CPQ: variants seen among roughly 807,000 people sequenced by gnomAD.
CPQ encodes carboxypeptidase Q.
In CPQ, 37 loss-of-function variants were observed where a neutral mutation model predicts 45.7. That is an observed-to-expected ratio of 0.81 (90% CI 0.62 to 1.07). CPQ has a LOEUF of 1.07. Ranked by LOEUF, CPQ falls within the 50% of genes least tolerant of loss-of-function variation. The pLI is 0.00. For missense variants in CPQ, 537 were observed against 572.9 expected (o/e 0.94, Z 0.64); for synonymous variants, 186 against 205.8 (o/e 0.90, Z 0.82).
At chr8:96,922,352 C>A (rs1812821023) in intron 4 of CPQ, among the ~76,000 whole-genome samples, 2 of 152,230 alleles carry the variant, frequency 1.3e-5, no homozygotes, top group Admixed American at 6.5e-5. Flanking sequence ...AAAAAAAAAT[C>A]TTTGGATGAT....
chr8:97,105,257 A>G (rs924091357), intron 7 of CPQ, among the ~76,000 whole-genome samples: 2 of 152,162 alleles, frequency 1.3e-5, no homozygotes, highest in African/African-American at 4.8e-5. Flanking sequence ...CCAACATTCT[A>G]CCTTCTGCCT....
chr8:96,952,501 A>G (rs1813283502), intron 4 of CPQ, among the ~76,000 whole-genome samples: 1 of 152,154 alleles, frequency 6.6e-6, no homozygotes, highest in Non-Finnish European at 1.5e-5. Flanking sequence ...CAGTTTATAT[A>G]TAACATACAA....
intron 1 of CPQ, among the ~76,000 whole-genome samples, chr8:96,742,683 T>A (rs1459745519): frequency 6.6e-6 from 1 of 152,144 alleles, no homozygotes; most frequent in Admixed American, 6.5e-5. Context: ...GGTGACAAAA[T>A]CTCTCAGCAT....
intron 3 of CPQ, among the ~76,000 whole-genome samples, chr8:96,846,136 A>C (rs932388518): frequency 2.0e-5 from 3 of 152,158 alleles, no homozygotes; most frequent in Non-Finnish European, 2.9e-5. Context: ...TTTTTTAAGG[A>C]AGTTGTACCA....
intron 4 of CPQ, among the ~76,000 whole-genome samples, chr8:96,898,542 G>A (rs78475020): frequency 0.018 from 2,638 of 148,512 alleles, 35 homozygotes; most frequent in Non-Finnish European, 0.026. Flanking sequence ...GGTTGCTGCT[G>A]CTTTGTTGTA....
chr8:96,775,320 A>G (rs1288481071), intron 1 of CPQ, among the ~76,000 whole-genome samples: 1 of 152,190 alleles, frequency 6.6e-6, no homozygotes, highest in African/African-American at 2.4e-5. Flanking sequence ...AAATAAATAT[A>G]TTATCCTAAC....
intron 2 of CPQ, among the ~76,000 whole-genome samples, chr8:96,798,577 C>G (rs552929948): frequency 4.5e-4 from 69 of 152,166 alleles, no homozygotes; most frequent in African/African-American, 1.6e-3. Flanking sequence ...TTTGCCTTTC[C>G]CTCAACATGT....
At chr8:96,868,940 A>G (rs1461444641) in intron 3 of CPQ, among the ~76,000 whole-genome samples, 2 of 151,942 alleles carry the variant, frequency 1.3e-5, no homozygotes, top group East Asian at 3.9e-4. Context: ...GTTGGAATAA[A>G]TAATTTTTAG....
intron 6 of CPQ, among the ~76,000 whole-genome samples, chr8:97,034,310 A>G (rs1809960061): frequency 6.6e-6 from 1 of 152,242 alleles, no homozygotes; most frequent in South Asian, 2.1e-4. Flanking sequence ...AGATCCATTC[A>G]GCATGCCTCT....
At chr8:96,835,382 T>G (rs1173847111) in intron 3 of CPQ, among the ~76,000 whole-genome samples, 1 of 152,230 alleles carries the variant, frequency 6.6e-6, no homozygotes, top group East Asian at 1.9e-4. Context: ...AAGCATCACT[T>G]GTGCATTCCT....
chr8:96,654,651 T>C (rs1214072815), intron 1 of CPQ, among the ~76,000 whole-genome samples: 2 of 152,220 alleles, frequency 1.3e-5, no homozygotes, highest in Non-Finnish European at 2.9e-5. Flanking sequence ...TTGTCTAATA[T>C]GAAAATAATT....
intron 4 of CPQ, among the ~76,000 whole-genome samples, chr8:96,888,148 C>G (rs1265878138): frequency 6.6e-6 from 1 of 152,030 alleles, no homozygotes; most frequent in African/African-American, 2.4e-5. Context: ...CACTTCCTAC[C>G]CCACACCACA....
At chr8:96,730,312 G>A (rs2130769743) in intron 1 of CPQ, among the ~76,000 whole-genome samples, 1 of 152,268 alleles carries the variant, frequency 6.6e-6, no homozygotes, top group East Asian at 1.9e-4. Context: ...AGAAATTAAA[G>A]CTATGAGAAA....
intron 5 of CPQ, among the ~76,000 whole-genome samples, chr8:96,977,769 G>A (rs1705524866): frequency 6.6e-6 from 1 of 152,204 alleles, no homozygotes; most frequent in Non-Finnish European, 1.5e-5. Flanking sequence ...TGGGAGCTAA[G>A]CTATGAGGAT....
At chr8:96,657,739 T>C (rs1815654582) in intron 1 of CPQ, among the ~76,000 whole-genome samples, 1 of 152,008 alleles carries the variant, frequency 6.6e-6, no homozygotes, top group East Asian at 1.9e-4. Flanking sequence ...AATTCCAGAG[T>C]CCTTCTTACT....
rs1173909602 is a variant in CPQ at position 96,764,833 on chromosome 8, C to T, written c.-34-20031C>T. On this transcript the variant is annotated intron_variant, in intron 1 of 7. Transcript: ENST00000220763. ...AATGCAGCATGAAACCACCCAAATGCCAAGACAAATTGAGAAAGGTTGACC... is the reference window on the plus strand; with the variant it reads ...AATGCAGCATGAAACCACCCAAATGTCAAGACAAATTGAGAAAGGTTGACC... Among the ~76,000 whole-genome samples, 4 of 152,282 alleles carry T rather than the reference C, an allele frequency of 2.6e-5. No homozygotes were observed. The South Asian group carries it at 8.3e-4, about 32-fold the overall frequency.
intron 4 of CPQ, among the ~76,000 whole-genome samples, chr8:96,899,664 CA>C (rs2130895937): frequency 6.6e-6 from 1 of 152,218 alleles, no homozygotes; most frequent in Admixed American, 6.5e-5. Context: ...AAAACTCACT[CA>C]CTATTGCAAA....
intron 7 of CPQ, among the ~76,000 whole-genome samples, chr8:97,133,551 T>C (rs534950585): frequency 4.3e-4 from 66 of 152,340 alleles, no homozygotes; most frequent in African/African-American, 1.4e-3. Flanking sequence ...AATTCATTAA[T>C]TAATGAGAAT....
chr8:96,653,228 C>T (rs1815598478), intron 1 of CPQ, among the ~76,000 whole-genome samples: 1 of 152,200 alleles, frequency 6.6e-6, no homozygotes, highest in African/African-American at 2.4e-5. Context: ...GTGCCTAGTA[C>T]ATTTGTCATT....
Sources: allele counts gnomAD v4.1 joint callset (sites outside exome capture counted in the v4.1 genomes callset), GRCh38; gene constraint gnomAD v4.1.1; transcripts MANE v1.5; gene names NCBI Gene and HGNC (gene_info 2026-07-23, HGNC 2026-07-21).